Variants in ARID4B observed in about 807,000 individuals in gnomAD.
ARID4B encodes AT-rich interaction domain 4B.
A neutral mutation model predicts 147.5 loss-of-function variants in ARID4B; 26 were observed. That is an observed-to-expected ratio of 0.18 (90% CI 0.13 to 0.24). The LOEUF is 0.24. ARID4B is among the 10% of genes least tolerant of loss of function. The pLI, the probability that ARID4B is intolerant of heterozygous loss-of-function variation, is 1.00. For missense variants in ARID4B, 1,179 were observed against 1,511.5 expected, an observed-to-expected ratio of 0.78 and a Z score of 3.65; for synonymous variants, 512 against 507.9, an observed-to-expected ratio of 1.01 and a Z score of -0.11.
chr1:235,219,846 T>C lies in ARID4B; in HGVS notation c.1530A>G (p.Val510=), dbSNP rs146331545. 158 of 1,606,456 alleles carry C rather than the reference T, an allele frequency of 9.8e-5. No homozygotes were observed. The African/African-American group carries it at 1.9e-3, about 19-fold the overall frequency. Residue 510 remains valine, a synonymous_variant, in exon 16 of 24, where the codon GTA becomes GTG. Transcript: ENST00000264183. ...CTACCTTTATGTTGAGGGATTCATC[T>C]ACCCTAGTTGTGTCATCATCTTTGT... ...LDDKDDDTTR[V]DESLNIKVEA...
chr1:235,276,243 A>G (rs1027885253), intron 2 of ARID4B, among the ~76,000 whole-genome samples: 12 of 151,382 alleles, frequency 7.9e-5, no homozygotes, highest in African/African-American at 2.9e-4. Context: ...AGGTCATCAG[A>G]TCATTATTAT....
rs1007272072 is a variant in ARID4B, at chr1:235,168,005, T to C, written c.*520A>G. The C allele has an allele frequency of 5.1e-6, 1 of 195,720 alleles. No individual in the cohort carries two copies. The highest frequency in any genetic ancestry group is 2.3e-5 in the African/African-American group (1 of 43,232). The allele number at this position is 195,720 out of a possible 1,614,324, so 12.1% of individuals were successfully genotyped here. A position where few individuals can be genotyped will look rare whatever the true frequency, so the allele number is the denominator to read the frequency against. ...CCAGGATTGATGTCTAATATCCTGT[T>C]AACTGCAGGTTTTGAATTTATTACA... is the stretch of plus-strand genomic sequence containing the variant. On this transcript the variant is annotated 3_prime_UTR_variant, in exon 24 of 24. Coordinates refer to ENST00000264183, the MANE Select transcript of ARID4B (RefSeq NM_016374.6).
chr1:235,294,174 A>G (rs1250921510), intron 2 of ARID4B, among the ~76,000 whole-genome samples: 1 of 152,146 alleles, frequency 6.6e-6, no homozygotes, highest in Admixed American at 6.5e-5. Context: ...TGGAAAATTG[A>G]CACTGGACTT....
chr1:235,229,423 T>G (rs1192560860), intron 10 of ARID4B, 38 bp from the exon 11 acceptor site: 1 of 1,391,134 alleles, frequency 7.2e-7, no homozygotes, highest in Non-Finnish European at 1.0e-6. Context: ...CTGAAGAAAT[T>G]AAGACAATTG....
chr1:235,192,324 T>C (rs1243278992), intron 19 of ARID4B, among the ~76,000 whole-genome samples: 2 of 152,174 alleles, frequency 1.3e-5, no homozygotes, highest in African/African-American at 4.8e-5. Context: ...CTATAATTAC[T>C]TCTGGGAGGA....
At chr1:235,240,961 G>T (rs1475724671) in intron 7 of ARID4B, among the ~76,000 whole-genome samples, 5 of 152,048 alleles carry the variant, frequency 3.3e-5, no homozygotes, top group Non-Finnish European at 5.9e-5. Context: ...CACCAATTAG[G>T]TATTCATAAA....
rs1234963572 is a variant in ARID4B, at chr1:235,173,843, T to TAC, written c.3665-1080_3665-1079insGT. On this transcript the variant is annotated intron_variant, in intron 22 of 23. Coordinates refer to ENST00000264183, the MANE Select transcript of ARID4B (RefSeq NM_016374.6). ...ACCTAAAACATATATATATATACCT[T>TAC]TTTTTAAATGAAGATTTATGAAGAT... Among the ~76,000 whole-genome samples the TAC allele has an allele frequency of 1.0e-4, 12 of 119,308 alleles. No homozygotes were observed. In the East Asian group the frequency reaches 2.2e-3, roughly 22 times the overall value. The allele number at this position is 119,308 out of a possible 152,430, so 78.3% of individuals were successfully genotyped here. A position where few individuals can be genotyped will look rare whatever the true frequency, so the allele number is the denominator to read the frequency against.
chr1:235,314,042 T>C (rs1674264154), intron 2 of ARID4B, among the ~76,000 whole-genome samples: 2 of 152,192 alleles, frequency 1.3e-5, no homozygotes, highest in Non-Finnish European at 2.9e-5. Context: ...TATTGAGAAC[T>C]TACTATGTAG....
At chr1:235,229,163 A>C (rs993618298) in intron 11 of ARID4B, 68 bp downstream of exon 11, 5 of 1,546,570 alleles carry the variant, frequency 3.2e-6, no homozygotes, top group Non-Finnish European at 4.3e-6. Flanking sequence ...TTAATGCCAA[A>C]TCCTAACCCA....
chr1:235,171,674 T>TA (rs1663373327), intron 23 of ARID4B, among the ~76,000 whole-genome samples: 1 of 151,938 alleles, frequency 6.6e-6, no homozygotes, highest in South Asian at 2.1e-4. Context: ...AGTTTAGCTC[T>TA]TGTTGCCCAG....
intron 15 of ARID4B, 147 bp from the exon 16 acceptor site, chr1:235,220,115 C>A: frequency 1.2e-6 from 1 of 807,274 alleles, no homozygotes; most frequent in Non-Finnish European, 1.8e-6. Flanking sequence ...TACTTTAAAG[C>A]TCTAGACAAA....
chr1:235,276,251 T>A (rs886622851), intron 2 of ARID4B, among the ~76,000 whole-genome samples: 26 of 151,822 alleles, frequency 1.7e-4, no homozygotes, highest in African/African-American at 6.1e-4. Context: ...AGATCATTAT[T>A]ATAACATTAG....
chr1:235,230,595 A>T (rs75637418), intron 10 of ARID4B, among the ~76,000 whole-genome samples: 14 of 71,220 alleles, frequency 2.0e-4, no homozygotes, highest in African/African-American at 3.4e-4. Context: ...ACTATAAGCT[A>T]AAAAAAAAAA....
At chr1:235,268,881 CTT>C (rs1670787364) in intron 2 of ARID4B, among the ~76,000 whole-genome samples, 1 of 152,158 alleles carries the variant, frequency 6.6e-6, no homozygotes. Flanking sequence ...TCTGAAACAT[CTT>C]GTGTCAGAAA....
intron 2 of ARID4B, among the ~76,000 whole-genome samples, chr1:235,268,147 G>T (rs1361282520): frequency 6.6e-6 from 1 of 152,092 alleles, no homozygotes; most frequent in South Asian, 2.1e-4. Context: ...GGACAGAGGA[G>T]ATAAGCTGCA....
intron 2 of ARID4B, among the ~76,000 whole-genome samples, chr1:235,301,936 G>T (rs552219825): frequency 6.6e-6 from 1 of 150,888 alleles, no homozygotes. Context: ...CAGGTGATCC[G>T]CCCACCTCGG....
intron 8 of ARID4B, among the ~76,000 whole-genome samples, chr1:235,235,501 T>TGA (rs1310864209): frequency 6.6e-6 from 1 of 152,200 alleles, no homozygotes; most frequent in African/African-American, 2.4e-5. Flanking sequence ...CACTGGTGTA[T>TGA]GAGTAAGTGG....
At chr1:235,305,128 A>G (rs946902702) in intron 2 of ARID4B, among the ~76,000 whole-genome samples, 1 of 152,246 alleles carries the variant, frequency 6.6e-6, no homozygotes, top group Non-Finnish European at 1.5e-5. Flanking sequence ...AAACACAAGG[A>G]TACTTATAAG....
chr1:235,255,823 C>A (rs1669947670), intron 4 of ARID4B, 73 bp from the exon 5 acceptor site: 2 of 1,007,838 alleles, frequency 2.0e-6, no homozygotes, highest in African/African-American at 3.3e-5. Context: ...GGTTTGTTTT[C>A]TTTTAACTGA....
Sources: gnomAD v4.1 joint callset for allele counts (sites outside exome capture counted in the v4.1 genomes callset) on GRCh38, gnomAD v4.1.1 for gene constraint, MANE v1.5 for transcripts, NCBI Gene and HGNC (gene_info 2026-07-23, HGNC 2026-07-21) for gene names.